The following EYA1 variants were observed in gnomAD, a reference collection of about 807,000 sequenced individuals.
EYA1 encodes protein phosphatase EYA1.
Under a neutral mutation model 82.0 loss-of-function variants are expected in EYA1, and 16 were observed. The observed-to-expected ratio is 0.20, with a 90% CI of 0.13 to 0.30. The LOEUF (loss-of-function observed/expected upper bound fraction) is 0.30, where lower values mean the gene tolerates loss of function less well. EYA1 is among the 10% of genes least tolerant of loss of function. The pLI is 1.00. For missense variants in EYA1, 633 were observed against 730.7 expected, an observed-to-expected ratio of 0.87 and a Z score of 1.54; for synonymous variants, 261 against 264.4, an observed-to-expected ratio of 0.99 and a Z score of 0.12.
intron 17 of EYA1, among the ~76,000 whole-genome samples, chr8:71,205,109 G>A (rs7016766): frequency 0.36 from 54,472 of 151,766 alleles, 10,386 homozygotes; most frequent in East Asian, 0.76. Flanking sequence ...TCAGGTTCTC[G>A]GCTTCATCTT....
chr8:71,271,760 C>G lies in EYA1; in HGVS notation c.964G>C (p.Glu322Gln), dbSNP rs754882532. 5 of 1,614,214 alleles carry G rather than the reference C, an allele frequency of 3.1e-6. No individual in the cohort carries two copies. In the South Asian group the frequency reaches 4.4e-5, roughly 14 times the overall value. ...CTTGGGTGTTGGCTATGACGTACCTCAAGATCAGAATCTGGGGGAGGTGAA... is the reference window on the plus strand; with the variant it reads ...CTTGGGTGTTGGCTATGACGTACCTGAAGATCAGAATCTGGGGGAGGTGAA... ...NPSPPPDSDL[E>Q]RVFIWDLDET... The change falls in exon 10 of 18, where the codon GAG becomes CAG. Residue 322 changes from glutamate to glutamine, a missense_variant and splice_region_variant. By Grantham distance (29) the Glu-to-Gln change is conservative. Coordinates refer to ENST00000340726, the MANE Select transcript of EYA1 (RefSeq NM_000503.6).
At chr8:71,223,913 C>T (rs529313050) in intron 12 of EYA1, among the ~76,000 whole-genome samples, 123 of 152,298 alleles carry the variant, frequency 8.1e-4, no homozygotes, top group African/African-American at 2.8e-3. Flanking sequence ...CCAAGCCTTT[C>T]ACTTGTACCA....
chr8:71,463,308 A>G (rs1275257405), intron 2 of EYA1, among the ~76,000 whole-genome samples: 1 of 152,214 alleles, frequency 6.6e-6, no homozygotes, highest in Non-Finnish European at 1.5e-5. Context: ...AAGTACAGAG[A>G]GAAATGTGTT....
chr8:71,331,273 CACACACACACACATATATAT>C (rs1563480616), intron 4 of EYA1, among the ~76,000 whole-genome samples: 1 of 114,814 alleles, frequency 8.7e-6, no homozygotes, highest in Non-Finnish European at 1.9e-5. Context: ...CACACACACA[CACACACACACACATATATAT>C]ACATATATAT....
chr8:71,225,432 C>T (rs914637824), intron 12 of EYA1: 1 of 358,174 alleles, frequency 2.8e-6, no homozygotes, highest in Non-Finnish European at 5.6e-6. Flanking sequence ...CATGATGCTT[C>T]CTTGCAGAAA....
In EYA1 at chr8:71,356,504, G is replaced by T. The variant is rs760164698; in HGVS notation, c.-47C>A. 5.7e-6 allele frequency: 9 copies of T among 1,576,212 alleles called. No homozygotes were observed. Among genetic ancestry groups the T allele is most frequent in the Non-Finnish European group, 7.8e-6 (9 of 1,159,858 alleles). The stretch of plus-strand genomic sequence containing the variant: ...AGCAACATCTGAACTGGCTTGAGAT[G>T]TTTGCACCTGTGATCAGGGGTAAAA... On this transcript the variant is annotated 5_prime_UTR_variant, in exon 2 of 18. Transcript: ENST00000340726.
chr8:71,270,804 T>C (rs1816427738), intron 10 of EYA1, among the ~76,000 whole-genome samples: 1 of 152,174 alleles, frequency 6.6e-6, no homozygotes, highest in African/African-American at 2.4e-5. Flanking sequence ...TCTCAATATA[T>C]ATAAGTGTGT....
chr8:71,239,816 T>C (rs1260795694), intron 12 of EYA1, among the ~76,000 whole-genome samples: 1 of 152,204 alleles, frequency 6.6e-6, no homozygotes, highest in African/African-American at 2.4e-5. Context: ...GAGTTTCTTC[T>C]TTATTTATAG....
chr8:71,523,054 C>G (rs1266229371), intron 2 of EYA1, among the ~76,000 whole-genome samples: 3 of 151,988 alleles, frequency 2.0e-5, no homozygotes. Context: ...TTTACAAGTG[C>G]CTTTAGAATT....
chr8:71,458,989 G>A (rs1459113397), intron 2 of EYA1, among the ~76,000 whole-genome samples: 2 of 152,098 alleles, frequency 1.3e-5, no homozygotes, highest in South Asian at 2.1e-4. Flanking sequence ...TTACAGTGGC[G>A]GCTCATGGTC....
intron 2 of EYA1, among the ~76,000 whole-genome samples, chr8:71,383,783 C>A (rs1294681256): frequency 6.6e-6 from 1 of 151,532 alleles, no homozygotes; most frequent in African/African-American, 2.4e-5. Flanking sequence ...GAAGAAGATG[C>A]ACAATAGGAT....
At chr8:71,266,562 C>A (rs1815840655) in intron 11 of EYA1, among the ~76,000 whole-genome samples, 2 of 152,168 alleles carry the variant, frequency 1.3e-5, no homozygotes, top group African/African-American at 4.8e-5. Flanking sequence ...AAGACACCTC[C>A]AGGCAATGAG....
intron 2 of EYA1, among the ~76,000 whole-genome samples, chr8:71,411,994 G>A (rs559853260): frequency 2.0e-5 from 3 of 152,052 alleles, no homozygotes; most frequent in Non-Finnish European, 2.9e-5. Context: ...GTCCAAAAAC[G>A]ATAGACTGCA....
intron 7 of EYA1, among the ~76,000 whole-genome samples, chr8:71,307,959 A>G (rs1300037459): frequency 6.6e-6 from 1 of 152,242 alleles, no homozygotes; most frequent in South Asian, 2.1e-4. Context: ...TCAGAATGCA[A>G]TAACATCCTA....
intron 2 of EYA1, among the ~76,000 whole-genome samples, chr8:71,407,746 T>C (rs981223506): frequency 2.3e-5 from 3 of 132,582 alleles, no homozygotes; most frequent in African/African-American, 5.6e-5. Flanking sequence ...CTACATCTGA[T>C]TGGTGTACCT....
At chr8:71,474,023 G>A (rs1809446646) in intron 2 of EYA1, among the ~76,000 whole-genome samples, 1 of 151,832 alleles carries the variant, frequency 6.6e-6, no homozygotes, top group Non-Finnish European at 1.5e-5. Flanking sequence ...CACAGGGAGG[G>A]GAACATCACA....
intron 9 of EYA1, among the ~76,000 whole-genome samples, chr8:71,292,380 G>T (rs1408134109): frequency 6.6e-6 from 1 of 152,020 alleles, no homozygotes; most frequent in Non-Finnish European, 1.5e-5. Flanking sequence ...AAATAAAAAT[G>T]AGTGAAATCT....
chr8:71,311,563 AACCCC>A (rs1821346227), intron 7 of EYA1, among the ~76,000 whole-genome samples: 1 of 152,176 alleles, frequency 6.6e-6, no homozygotes, highest in Non-Finnish European at 1.5e-5. Flanking sequence ...TGTGAAGAAA[AACCCC>A]CTCAGACCAT....
chr8:71,250,305 G>A (rs988816182), intron 11 of EYA1, among the ~76,000 whole-genome samples: 1 of 152,158 alleles, frequency 6.6e-6, no homozygotes, highest in Non-Finnish European at 1.5e-5. Flanking sequence ...CTAAACTGGG[G>A]CAAAGAATCT....
Sources: gnomAD v4.1 joint callset for allele counts (sites outside exome capture counted in the v4.1 genomes callset) on GRCh38, gnomAD v4.1.1 for gene constraint, MANE v1.5 for transcripts, NCBI Gene and HGNC (gene_info 2026-07-23, HGNC 2026-07-21) for gene names.